SIDT1: variants seen among roughly 807,000 people sequenced by gnomAD.
SIDT1 encodes SID1 transmembrane family, member 1.
In SIDT1, 101 loss-of-function variants were observed where a neutral mutation model predicts 107.5. That is an observed-to-expected ratio of 0.94 (90% confidence interval 0.80 to 1.11). The LOEUF (loss-of-function observed/expected upper bound fraction) is 1.11. Among genes scored for constraint, SIDT1 ranks in the 50% least tolerant of loss-of-function variants. SIDT1 has a pLI of 0.00. For synonymous variants in SIDT1, 395 were observed against 398.2 expected (o/e 0.99, Z 0.10); for missense variants, 1,076 against 1,058.2 (o/e 1.02, Z -0.23).
In SIDT1 at chr3:113,603,016, T is replaced by A. The variant is rs1382968708; in HGVS notation, c.1129T>A (p.Ser377Thr). Residue 377 changes from serine (S) to threonine (T), a missense_variant, in exon 12 of 25, where the codon TCC becomes ACC. Ser to Thr is a moderately conservative substitution (Grantham distance 58, BLOSUM62 1). Coordinates refer to ENST00000264852, the MANE Select transcript of SIDT1 (RefSeq NM_017699.3). ...TGTCTCTGTTTCAGATGAGTCAAGCTCCAGTCCTGGAAGGCAGATGTCCTC... is the reference window on the plus strand; with the variant it reads ...TGTCTCTGTTTCAGATGAGTCAAGCACCAGTCCTGGAAGGCAGATGTCCTC... ...SNYGTIDESSSSPGRQMSSSD... is the reference protein window; with the variant it reads ...SNYGTIDESSTSPGRQMSSSD... The A allele has an allele frequency of 6.2e-7, 1 of 1,613,922 alleles. No individual in the cohort carries two copies. Among genetic ancestry groups the A allele is most frequent in the South Asian group, 1.1e-5 (1 of 91,052 alleles).
At chr3:113,598,849 A>T (rs1453975311) in intron 10 of SIDT1, among the ~76,000 whole-genome samples, 1 of 152,072 alleles carries the variant, frequency 6.6e-6, no homozygotes, top group Non-Finnish European at 1.5e-5. Flanking sequence ...AGCTTAGACC[A>T]GGCATGGTGG....
At chr3:113,619,244 T>G (rs1419239757) in intron 20 of SIDT1, among the ~76,000 whole-genome samples, 1 of 152,188 alleles carries the variant, frequency 6.6e-6, no homozygotes, top group Admixed American at 6.5e-5. Context: ...GGTACAAAAT[T>G]AACTCCCTAC....
chr3:113,563,666 A>G (rs1276274245), intron 1 of SIDT1, among the ~76,000 whole-genome samples: 1 of 152,196 alleles, frequency 6.6e-6, no homozygotes, highest in Non-Finnish European at 1.5e-5. Flanking sequence ...AGAGAGAAGT[A>G]CCCTTTACAT....
intron 1 of SIDT1, among the ~76,000 whole-genome samples, chr3:113,565,026 A>G (rs922297633): frequency 6.6e-6 from 1 of 152,212 alleles, no homozygotes; most frequent in Admixed American, 6.5e-5. Context: ...CCTAATTTCC[A>G]TTTTGAATGT....
chr3:113,618,465 T>C (rs1315376091), intron 20 of SIDT1, among the ~76,000 whole-genome samples: 3 of 152,220 alleles, frequency 2.0e-5, no homozygotes, highest in Non-Finnish European at 2.9e-5. Context: ...CTGGATTACA[T>C]GGCAATCATA....
the SIDT1 span, among the ~76,000 whole-genome samples, chr3:113,635,710 C>CA: frequency 4.2e-4 from 64 of 151,198 alleles, no homozygotes; most frequent in Non-Finnish European, 8.9e-4. Context: ...ACTAAAAATA[C>CA]AAAAAAATTA....
At chr3:113,558,084 G>C (rs191341499) in intron 1 of SIDT1, among the ~76,000 whole-genome samples, 8 of 152,278 alleles carry the variant, frequency 5.3e-5, no homozygotes, top group Admixed American at 5.2e-4. Flanking sequence ...TATGAAATTA[G>C]AGTAAGTGTA....
At chr3:113,611,694 C>T (rs898277050) in intron 18 of SIDT1, among the ~76,000 whole-genome samples, 2 of 152,078 alleles carry the variant, frequency 1.3e-5, no homozygotes, top group East Asian at 1.9e-4. Context: ...AAGCTAGACC[C>T]GACTCATGTG....
chr3:113,573,444 G>A (rs375406084), intron 3 of SIDT1, among the ~76,000 whole-genome samples: 14 of 152,270 alleles, frequency 9.2e-5, no homozygotes, highest in Middle Eastern at 3.4e-3. Context: ...CTCATTTAAG[G>A]GATGATCTGA....
intron 1 of SIDT1, among the ~76,000 whole-genome samples, chr3:113,535,603 T>G (rs1041926400): frequency 6.6e-6 from 1 of 152,254 alleles, no homozygotes; most frequent in Non-Finnish European, 1.5e-5. Context: ...AAAAGGTTGA[T>G]GACCCAAGCA....
intron 10 of SIDT1, among the ~76,000 whole-genome samples, chr3:113,597,888 T>A (rs942516757): frequency 1.4e-4 from 22 of 152,254 alleles, no homozygotes; most frequent in African/African-American, 5.3e-4. Context: ...ATGCTTTCTA[T>A]GTACTATACA....
intron 3 of SIDT1, among the ~76,000 whole-genome samples, chr3:113,573,352 C>T (rs1942630869): frequency 6.6e-6 from 1 of 152,188 alleles, no homozygotes; most frequent in Non-Finnish European, 1.5e-5. Flanking sequence ...ACTTGAGATT[C>T]ACTGGCATTA....
chr3:113,603,822 G>A (rs1366604620), intron 12 of SIDT1, 138 bp from the exon 13 acceptor site: 2 of 606,416 alleles, frequency 3.3e-6, no homozygotes, highest in Non-Finnish European at 5.7e-6. Flanking sequence ...ATCAAATTTA[G>A]TAAATTTGAA....
intron 1 of SIDT1, among the ~76,000 whole-genome samples, chr3:113,550,890 T>C (rs1032922802): frequency 3.9e-5 from 6 of 152,156 alleles, no homozygotes; most frequent in Non-Finnish European, 7.4e-5. Context: ...CATTAGTTAT[T>C]TTTCCTGATC....
At chr3:113,622,673 C>T (rs781430020) in intron 21 of SIDT1, among the ~76,000 whole-genome samples, 1 of 152,050 alleles carries the variant, frequency 6.6e-6, no homozygotes, top group African/African-American at 2.4e-5. Context: ...GATGATTTTG[C>T]TTCTATTCTA....
At chr3:113,587,894 C>A (rs71319373) in intron 9 of SIDT1, among the ~76,000 whole-genome samples, 24,194 of 152,078 alleles carry the variant, frequency 0.16, 2,010 homozygotes, top group Non-Finnish European at 0.18. Flanking sequence ...AATGCCAGAC[C>A]AAAAGCCTGG....
chr3:113,636,713 C>G, the SIDT1 span, among the ~76,000 whole-genome samples: 1 of 152,206 alleles, frequency 6.6e-6, no homozygotes, highest in Admixed American at 6.5e-5. Context: ...AGTACTGATA[C>G]TAGTTAACCA....
At chr3:113,631,667 G>C (rs959261152), downstream of SIDT1, among the ~76,000 whole-genome samples, 6 of 152,188 alleles carry the variant, frequency 3.9e-5, no homozygotes, top group Admixed American at 2.0e-4. Context: ...AAGAATCACA[G>C]ATCAGCCTTC....
At chr3:113,580,267 C>T (rs1943225090) in intron 4 of SIDT1, among the ~76,000 whole-genome samples, 1 of 152,186 alleles carries the variant, frequency 6.6e-6, no homozygotes, top group Non-Finnish European at 1.5e-5. Flanking sequence ...TTATATCTCA[C>T]TTACCCTTAA....
Sources: allele counts gnomAD v4.1 joint callset (sites outside exome capture counted in the v4.1 genomes callset), GRCh38; gene constraint gnomAD v4.1.1; transcripts MANE v1.5; gene names NCBI Gene and HGNC (gene_info 2026-07-23, HGNC 2026-07-21).